The following TNR variants were observed in gnomAD, a reference collection of about 807,000 sequenced individuals.
The protein encoded by TNR is tenascin-R.
In TNR, 45 loss-of-function variants were observed where a neutral mutation model predicts 150.4. That is an observed-to-expected ratio of 0.30 (90% CI 0.24 to 0.38). The LOEUF (loss-of-function observed/expected upper bound fraction) is 0.38. Ranked by LOEUF, TNR falls within the 10% of genes least tolerant of loss-of-function variation. The pLI is 1.00. For missense variants in TNR, 1,544 were observed against 1,759.1 expected (o/e 0.88, Z 2.19); for synonymous variants, 687 against 678.4 (o/e 1.01, Z -0.20).
chr1:175,505,440 G>A (rs930757548), intron 2 of TNR, among the ~76,000 whole-genome samples: 2 of 152,228 alleles, frequency 1.3e-5, no homozygotes, highest in African/African-American at 4.8e-5. Context: ...GTTCCCCGGG[G>A]ACGCAGGGGC....
intron 1 of TNR, among the ~76,000 whole-genome samples, chr1:175,532,100 T>TC (rs1429862843): frequency 1.6e-4 from 25 of 152,360 alleles, no homozygotes; most frequent in African/African-American, 5.1e-4. Context: ...GTAACAGTTC[T>TC]TTTTGACATC....
chr1:175,382,977 G>A (rs1398725760), intron 8 of TNR, among the ~76,000 whole-genome samples: 7 of 152,142 alleles, frequency 4.6e-5, no homozygotes, highest in Non-Finnish European at 1.0e-4. Context: ...CCTTCTGAGG[G>A]CTGTGAGTGA....
At chr1:175,344,213 T>TGGCC (rs1476406142) in intron 18 of TNR, among the ~76,000 whole-genome samples, 2 of 152,230 alleles carry the variant, frequency 1.3e-5, no homozygotes, top group African/African-American at 4.8e-5. Context: ...GACGAAGGGA[T>TGGCC]GGCCGGTGCT....
At chr1:175,369,484 T>C (rs1651993624) in intron 9 of TNR, among the ~76,000 whole-genome samples, 1 of 152,210 alleles carries the variant, frequency 6.6e-6, no homozygotes, top group Non-Finnish European at 1.5e-5. Flanking sequence ...TCACATTGAA[T>C]TTAGGGGCCA....
rs534863218 is a variant in TNR, at chr1:175,576,405, T to C, written c.-164-48036A>G. ...GCTGGTGGGTGATCCTTAGCCTCAC[T>C]GCGACAGTGACTTGAGTCTCATAAA... is the stretch of plus-strand genomic sequence containing the variant. On this transcript the variant is annotated intron_variant, in intron 1 of 22. Coordinates refer to ENST00000367674, the MANE Select transcript of TNR (RefSeq NM_003285.3). 6.6e-5 allele frequency among the ~76,000 whole-genome samples: 10 copies of C among 152,276 alleles called. No homozygotes were observed. In the East Asian group the frequency reaches 7.7e-4, roughly 12 times the overall value.
At chr1:175,458,280 T>C (rs1463250768) in intron 2 of TNR, among the ~76,000 whole-genome samples, 5 of 152,220 alleles carry the variant, frequency 3.3e-5, no homozygotes. Flanking sequence ...ATGCTGTGTG[T>C]ACTTTCTGGA....
At chr1:175,714,369 A>G (rs2101938793) in intron 1 of TNR, among the ~76,000 whole-genome samples, 1 of 152,254 alleles carries the variant, frequency 6.6e-6, no homozygotes, top group East Asian at 1.9e-4. Flanking sequence ...CATAATTAAA[A>G]TAAGCCAAAT....
chr1:175,565,169 A>T (rs960930324), intron 1 of TNR, among the ~76,000 whole-genome samples: 2 of 152,246 alleles, frequency 1.3e-5, no homozygotes, highest in African/African-American at 4.8e-5. Context: ...AAGGACAAAC[A>T]GGATGACTCT....
intron 1 of TNR, among the ~76,000 whole-genome samples, chr1:175,671,954 A>G (rs1266318945): frequency 2.5e-5 from 3 of 122,404 alleles, no homozygotes; most frequent in African/African-American, 3.6e-5. Flanking sequence ...TGTGTGTTGG[A>G]GAGGGGGAAA....
intron 2 of TNR, among the ~76,000 whole-genome samples, chr1:175,465,129 C>A (rs1656975289): frequency 6.6e-6 from 1 of 152,186 alleles, no homozygotes. Context: ...TCCACCAGCC[C>A]TGGCCAGAAG....
chr1:175,330,277 C>A (rs371391725), intron 20 of TNR, 42 bp from the exon 21 acceptor site: 75 of 1,454,292 alleles, frequency 5.2e-5, no homozygotes, highest in Non-Finnish European at 6.8e-5. Context: ...TGGCCCCCAG[C>A]AGCTTTGGAA....
chr1:175,551,005 T>C (rs1467163684), intron 1 of TNR, among the ~76,000 whole-genome samples: 1 of 151,976 alleles, frequency 6.6e-6, no homozygotes, highest in African/African-American at 2.4e-5. Flanking sequence ...ATAAGAAAAT[T>C]AGGTGATCCA....
intron 2 of TNR, among the ~76,000 whole-genome samples, chr1:175,482,599 A>G (rs1657856421): frequency 6.6e-6 from 1 of 152,228 alleles, no homozygotes; most frequent in African/African-American, 2.4e-5. Flanking sequence ...TCCCAGGCAT[A>G]TGAAAACAAA....
At chr1:175,596,147 G>GT (rs1019634213) in intron 1 of TNR, among the ~76,000 whole-genome samples, 1 of 152,092 alleles carries the variant, frequency 6.6e-6, no homozygotes, top group Admixed American at 6.5e-5. Flanking sequence ...GCTACACAAT[G>GT]TTTTTTTAAA....
At chr1:175,457,042 G>A (rs1656601018) in intron 2 of TNR, among the ~76,000 whole-genome samples, 1 of 152,090 alleles carries the variant, frequency 6.6e-6, no homozygotes, top group Non-Finnish European at 1.5e-5. Context: ...TGCAGATTCG[G>A]GTAGATAAAT....
intron 1 of TNR, among the ~76,000 whole-genome samples, chr1:175,554,973 G>A (rs927563359): frequency 6.6e-6 from 1 of 152,158 alleles, no homozygotes; most frequent in Non-Finnish European, 1.5e-5. Flanking sequence ...TAGAACACAG[G>A]TCTCTTTACT....
intron 1 of TNR, among the ~76,000 whole-genome samples, chr1:175,702,104 G>GT (rs1247511459): frequency 3.3e-5 from 5 of 152,060 alleles, no homozygotes; most frequent in African/African-American, 9.7e-5. Context: ...ATTTTCCAGG[G>GT]TTTTTTTCCG....
chr1:175,459,666 G>A (rs1461090428), intron 2 of TNR, among the ~76,000 whole-genome samples: 2 of 152,284 alleles, frequency 1.3e-5, no homozygotes, highest in Admixed American at 1.3e-4. Flanking sequence ...CCAGGAGGTG[G>A]GGTGGCAGCA....
intron 1 of TNR, among the ~76,000 whole-genome samples, chr1:175,740,802 T>G (rs149514759): frequency 6.6e-6 from 1 of 152,310 alleles, no homozygotes; most frequent in East Asian, 1.9e-4. Flanking sequence ...CACAGAGGAC[T>G]CAATGAAGGT....
Sources: gnomAD v4.1 joint callset for allele counts (sites outside exome capture counted in the v4.1 genomes callset) on GRCh38, gnomAD v4.1.1 for gene constraint, MANE v1.5 for transcripts, NCBI Gene and HGNC (gene_info 2026-07-23, HGNC 2026-07-21) for gene names.